The following FERRY3 variants were observed in gnomAD, a reference collection of about 807,000 sequenced individuals.
FERRY3 encodes protein C12orf4.
At chr12:4,511,747 G>A in the FERRY3 span, among the ~76,000 whole-genome samples, 2 of 145,784 alleles carry the variant, frequency 1.4e-5, no homozygotes, top group African/African-American at 2.7e-5. Context: ...GCAGTGTGTA[G>A]AGGGAAATTT....
the FERRY3 span, chr12:4,530,020 G>A: frequency 1.9e-6 from 3 of 1,612,792 alleles, no homozygotes; most frequent in Non-Finnish European, 2.5e-6. Flanking sequence ...TCCCAGCTGG[G>A]TTCTTCAGGC....
the FERRY3 span, among the ~76,000 whole-genome samples, chr12:4,527,429 T>A: frequency 6.6e-6 from 1 of 152,118 alleles, no homozygotes; most frequent in African/African-American, 2.4e-5. Context: ...TGGCTCAGTA[T>A]GTGAGATGTG....
the FERRY3 span, among the ~76,000 whole-genome samples, chr12:4,514,839 GTAAC>G: frequency 3.3e-5 from 5 of 152,034 alleles, no homozygotes; most frequent in Non-Finnish European, 5.9e-5. Context: ...GTATACATAT[GTAAC>G]TAACCTGCAC....
the FERRY3 span, among the ~76,000 whole-genome samples, chr12:4,507,947 C>G: frequency 6.6e-6 from 1 of 152,304 alleles, no homozygotes; most frequent in Admixed American, 6.5e-5. Flanking sequence ...TGGCTGGGAA[C>G]AGAGTTAGGG....
the FERRY3 span, among the ~76,000 whole-genome samples, chr12:4,528,872 C>T: frequency 1.3e-5 from 2 of 149,808 alleles, no homozygotes; most frequent in African/African-American, 4.9e-5. Context: ...TTTAAATTTA[C>T]TCCTTTGGGA....
At chr12:4,519,531 G>A in the FERRY3 span, among the ~76,000 whole-genome samples, 1 of 152,120 alleles carries the variant, frequency 6.6e-6, no homozygotes, top group African/African-American at 2.4e-5. The surrounding 1 kb of genome is among the most constrained non-coding windows in gnomAD (Gnocchi z 4.3). Context: ...AAGTCTGTAC[G>A]AGTCATCCAT....
the FERRY3 span, among the ~76,000 whole-genome samples, chr12:4,536,981 G>A: frequency 6.6e-6 from 1 of 152,016 alleles, no homozygotes; most frequent in Non-Finnish European, 1.5e-5. Flanking sequence ...TTGTTCATCC[G>A]CTTAAAAACT....
chr12:4,497,664 G>C, the FERRY3 span, among the ~76,000 whole-genome samples: 1 of 152,186 alleles, frequency 6.6e-6, no homozygotes, highest in Non-Finnish European at 1.5e-5. Context: ...CATTCCATAA[G>C]ACTGACTCCA....
At chr12:4,522,287 A>G in the FERRY3 span, among the ~76,000 whole-genome samples, 2 of 152,196 alleles carry the variant, frequency 1.3e-5, no homozygotes, top group Non-Finnish European at 2.9e-5. Flanking sequence ...GACTGACACT[A>G]TTAAGAAAAT....
the FERRY3 span, among the ~76,000 whole-genome samples, chr12:4,497,989 C>T: frequency 6.6e-6 from 1 of 152,190 alleles, no homozygotes; most frequent in Admixed American, 6.5e-5. Context: ...ATAGAGTAAA[C>T]TTCTTGACCT....
At chr12:4,524,403 T>C in the FERRY3 span, among the ~76,000 whole-genome samples, 1 of 152,064 alleles carries the variant, frequency 6.6e-6, no homozygotes, top group Non-Finnish European at 1.5e-5. Flanking sequence ...GTAAAGACTT[T>C]AACAATAACC....
At chr12:4,514,929 C>G in the FERRY3 span, among the ~76,000 whole-genome samples, 1 of 144,906 alleles carries the variant, frequency 6.9e-6, no homozygotes, top group Non-Finnish European at 1.5e-5. Context: ...CCTAACTAAA[C>G]AAACCTATGG....
At chr12:4,520,005 T>C in the FERRY3 span, among the ~76,000 whole-genome samples, 1 of 152,164 alleles carries the variant, frequency 6.6e-6, no homozygotes, top group East Asian at 1.9e-4. Context: ...TAAACTGAAT[T>C]CCAAACCGTG....
chr12:4,505,574 G>A, the FERRY3 span, among the ~76,000 whole-genome samples: 1 of 152,198 alleles, frequency 6.6e-6, no homozygotes, highest in Non-Finnish European at 1.5e-5. Context: ...GCCCTGGGAG[G>A]TAAGTCCTAC....
chr12:4,518,575 C>T, the FERRY3 span, among the ~76,000 whole-genome samples: 3 of 152,150 alleles, frequency 2.0e-5, no homozygotes, highest in East Asian at 3.9e-4. Context: ...AAAGTTGCAG[C>T]GGTCAGGCAC....
chr12:4,510,893 CAA>C, the FERRY3 span, among the ~76,000 whole-genome samples: 5 of 152,060 alleles, frequency 3.3e-5, no homozygotes, highest in African/African-American at 1.2e-4. Flanking sequence ...TCACACATAA[CAA>C]TATTAACTTT....
At chr12:4,501,340 C>G in the FERRY3 span, among the ~76,000 whole-genome samples, 1 of 152,150 alleles carries the variant, frequency 6.6e-6, no homozygotes, top group African/African-American at 2.4e-5. Flanking sequence ...ATATCTCTCC[C>G]CTACTTAAAA....
the FERRY3 span, among the ~76,000 whole-genome samples, chr12:4,498,963 G>A: frequency 6.6e-6 from 1 of 152,160 alleles, no homozygotes; most frequent in South Asian, 2.1e-4. Context: ...TGTGTGGCAG[G>A]TTCTTGGCCT....
At chr12:4,498,388 A>G in the FERRY3 span, among the ~76,000 whole-genome samples, 1 of 152,208 alleles carries the variant, frequency 6.6e-6, no homozygotes, top group Admixed American at 6.5e-5. Flanking sequence ...AATAGCTAAA[A>G]ATTCCTGATG....
Sources: gnomAD v4.1 joint callset for allele counts (sites outside exome capture counted in the v4.1 genomes callset) on GRCh38, gnomAD v4.1.1 for gene constraint, Gnocchi (gnomAD v3.1) non-coding constraint, MANE v1.5 for transcripts, NCBI Gene and HGNC (gene_info 2026-07-23, HGNC 2026-07-21) for gene names.